The following YBX1 variants were observed in gnomAD, a reference collection of about 807,000 sequenced individuals.
YBX1 encodes Y-box-binding protein 1.
YBX1 carries 3 observed loss-of-function variants against 41.4 expected under a neutral mutation model. That is an observed-to-expected ratio of 0.07 (90% CI 0.03 to 0.19). The LOEUF is 0.19. Among genes scored for constraint, YBX1 ranks in the 10% least tolerant of loss-of-function variants. YBX1 has a pLI of 1.00. For synonymous variants in YBX1, 133 were observed against 165.8 expected, an observed-to-expected ratio of 0.80 and a Z score of 1.52; for missense variants, 274 against 462.8, an observed-to-expected ratio of 0.59 and a Z score of 3.74.
intron 3 of YBX1, 45 bp downstream of exon 3, chr1:42,693,568 A>G (rs1459459221): frequency 1.9e-6 from 3 of 1,602,654 alleles, no homozygotes; most frequent in Non-Finnish European, 1.7e-6. Context: ...CAAGGATTGT[A>G]AGAAGAAAAG....
intron 2 of YBX1, among the ~76,000 whole-genome samples, chr1:42,687,040 G>A (rs368888417): frequency 1.4e-4 from 22 of 152,272 alleles, no homozygotes; most frequent in African/African-American, 4.8e-4. Flanking sequence ...TGTCACTGGG[G>A]CTCTTGTCTG....
intron 2 of YBX1, among the ~76,000 whole-genome samples, chr1:42,690,989 A>C (rs1650315831): frequency 6.6e-6 from 1 of 152,208 alleles, no homozygotes; most frequent in African/African-American, 2.4e-5. Context: ...GATGGCTGGC[A>C]GAGAGTGACA....
chr1:42,692,933 TGTG>T (rs1406145259), intron 2 of YBX1, among the ~76,000 whole-genome samples: 4 of 152,236 alleles, frequency 2.6e-5, no homozygotes, highest in African/African-American at 9.6e-5. Flanking sequence ...TGTCTGGACT[TGTG>T]GAGTAGCTTT....
intron 2 of YBX1, among the ~76,000 whole-genome samples, chr1:42,691,634 T>C (rs1374504498): frequency 6.6e-6 from 1 of 152,232 alleles, no homozygotes; most frequent in Non-Finnish European, 1.5e-5. Context: ...AGAAATGATG[T>C]ATTACCCAGA....
intron 2 of YBX1, among the ~76,000 whole-genome samples, chr1:42,688,110 G>A (rs1398855848): frequency 6.6e-6 from 1 of 152,060 alleles, no homozygotes; most frequent in African/African-American, 2.4e-5. Flanking sequence ...AATACTAGTA[G>A]GTCCCACTCC....
chr1:42,685,141 C>T (rs1053156469), intron 2 of YBX1, among the ~76,000 whole-genome samples: 10 of 152,118 alleles, frequency 6.6e-5, no homozygotes, highest in African/African-American at 2.4e-4. Flanking sequence ...TGCCTTGTTT[C>T]GCTGCATTTT....
chr1:42,683,566 C>T, intron 2 of YBX1, 100 bp downstream of exon 2: 2 of 1,367,012 alleles, frequency 1.5e-6, no homozygotes, highest in South Asian at 1.2e-5. Context: ...CAGCTCTGTT[C>T]TGAAAGGCGT....
Position 42,696,508 on chromosome 1 carries a change from TGC to T in YBX1, c.355-131_355-130del, listed in dbSNP as rs1210972326. ...TTCTGTGCACCCCTGGTCACGCAGT[TGC>T]GCCCCCCCCCCCTTTTTTTTCCTTA... On this transcript the variant is annotated intron_variant, in intron 4 of 7. Transcript: ENST00000321358. This position sits in a 1 kb window ranked among gnomAD's most constrained non-coding sequence, Gnocchi z 5.7. 4.6e-6 allele frequency: 4 copies of T among 875,064 alleles called. No homozygotes were observed. The African/African-American group carries it at 7.8e-5, about 17-fold the overall frequency. 54.2% of individuals were successfully genotyped at this position (875,064 alleles called of 1,614,324 possible). A position where few individuals can be genotyped will look rare whatever the true frequency, so the allele number is the denominator to read the frequency against.
Position 42,687,397 on chromosome 1 carries a change from C to T in YBX1, c.230+3931C>T, listed in dbSNP as rs576498807. Among the ~76,000 whole-genome samples the T allele has an allele frequency of 2.0e-5, 3 of 152,222 alleles. No homozygotes were observed. The South Asian group carries it at 6.2e-4, about 32-fold the overall frequency. ...CTCCCAGGTTCAAGCGATTCTCCTG[C>T]CTCAGCCTCCCGAGTAGCTGGGATT... is the stretch of plus-strand genomic sequence containing the variant. On this transcript the variant is annotated intron_variant, in intron 2 of 7. Coordinates refer to ENST00000321358, the MANE Select transcript of YBX1 (RefSeq NM_004559.5).
chr1:42,693,238 T>A (rs1165507070), intron 2 of YBX1, among the ~76,000 whole-genome samples: 1 of 152,012 alleles, frequency 6.6e-6, no homozygotes, highest in Non-Finnish European at 1.5e-5. Context: ...CCCTCTTAAT[T>A]ATGGCTCAGT....
At chr1:42,683,606 T>TTTG in intron 2 of YBX1, 140 bp downstream of exon 2, 1 of 900,556 alleles carries the variant, frequency 1.1e-6, no homozygotes, top group Non-Finnish European at 1.7e-6. Flanking sequence ...AGTATGATTT[T>TTTG]TTGTTGTTGT....
At position 42,685,684 on chromosome 1, in the gene YBX1, C is replaced by T. The variant is rs138905822; in HGVS notation, c.230+2218C>T. Among the ~76,000 whole-genome samples the T allele has an allele frequency of 5.9e-5, 9 of 152,132 alleles. No homozygotes were observed. The South Asian group carries it at 1.5e-3, about 25-fold the overall frequency. ...GCAGTGTTCGGGATGACTATTGTGA[C>T]GACTTTTAATTGGGGTTTTTGGATG... On this transcript the variant is annotated intron_variant, in intron 2 of 7. Transcript: ENST00000321358.
At chr1:42,701,128 C>T (rs1276102650) in intron 7 of YBX1, 82 bp downstream of exon 7, 1 of 980,280 alleles carries the variant, frequency 1.0e-6, no homozygotes, top group Non-Finnish European at 1.5e-6. Context: ...AGTAGAAAAA[C>T]CTCAGTTCCA....
intron 2 of YBX1, among the ~76,000 whole-genome samples, chr1:42,685,637 T>C (rs1650176652): frequency 1.3e-5 from 2 of 152,208 alleles, no homozygotes; most frequent in Admixed American, 6.5e-5. Flanking sequence ...TAACGTGCTG[T>C]TTTCTGTATA....
intron 2 of YBX1, among the ~76,000 whole-genome samples, chr1:42,688,764 T>C (rs995224767): frequency 6.6e-6 from 1 of 152,232 alleles, no homozygotes; most frequent in African/African-American, 2.4e-5. Flanking sequence ...TTGCTCGATA[T>C]GTGCTATAGA....
rs34273075 is a variant in YBX1 at position 42,696,511 on chromosome 1, G to GC, written c.355-120dup. Reference sequence around the variant, plus strand: ...TGTGCACCCCTGGTCACGCAGTTGCGCCCCCCCCCCCTTTTTTTTCCTTAA... The same window carrying GC: ...TGTGCACCCCTGGTCACGCAGTTGCGCCCCCCCCCCCCTTTTTTTTCCTTAA... On this transcript the variant is annotated intron_variant, in intron 4 of 7. Coordinates refer to ENST00000321358, the MANE Select transcript of YBX1 (RefSeq NM_004559.5). This position sits in a 1 kb window ranked among gnomAD's most constrained non-coding sequence, Gnocchi z 5.7. 0.16 allele frequency: 75,795 copies of GC among 465,894 alleles called. 7,486 individuals are homozygous for GC. The highest frequency in any genetic ancestry group is 0.27 in the African/African-American group (11,411 of 42,870). The allele number at this position is 465,894 out of a possible 1,614,324, so 28.9% of individuals were successfully genotyped here. A position where few individuals can be genotyped will look rare whatever the true frequency, so the allele number is the denominator to read the frequency against.
At chr1:42,685,990 A>G (rs1265765980) in intron 2 of YBX1, among the ~76,000 whole-genome samples, 3 of 152,260 alleles carry the variant, frequency 2.0e-5, no homozygotes, top group Non-Finnish European at 4.4e-5. Context: ...AGAAATTCTA[A>G]GAAATTCATT....
rs1413519190 is a variant in YBX1 at position 42,696,985 on chromosome 1, G to A, written c.657+41G>A. On this transcript the variant is annotated intron_variant, in intron 5 of 7. Transcript: ENST00000321358. This position sits in a 1 kb window ranked among gnomAD's most constrained non-coding sequence, Gnocchi z 5.7. The stretch of plus-strand genomic sequence containing the variant: ...AACAACAGCAATGTGATAAGTTCTG[G>A]TAGGACTGTTTAGAGCTGTTAATTA... The A allele has an allele frequency of 1.3e-6, 2 of 1,523,170 alleles. No homozygotes were observed. Among genetic ancestry groups the A allele is most frequent in the Non-Finnish European group, 1.8e-6 (2 of 1,136,820 alleles). 94.4% of individuals were successfully genotyped at this position (1,523,170 alleles called of 1,614,324 possible).
chr1:42,683,373 T>G (rs751973514), intron 1 of YBX1, 30 bp from the exon 2 acceptor site: 1 of 1,614,072 alleles, frequency 6.2e-7, no homozygotes, highest in Non-Finnish European at 8.5e-7. Context: ...CTGGTAATCG[T>G]GGCTTGTTTT....
Sources: allele counts gnomAD v4.1 joint callset (sites outside exome capture counted in the v4.1 genomes callset), GRCh38; gene constraint gnomAD v4.1.1; non-coding constraint Gnocchi (gnomAD v3.1); transcripts MANE v1.5; gene names NCBI Gene and HGNC (gene_info 2026-07-23, HGNC 2026-07-21).